The following TMEM131 variants were observed in gnomAD, a reference collection of about 807,000 sequenced individuals.
The protein encoded by TMEM131 is 2610524E03Rik.
Under a neutral mutation model 211.6 loss-of-function variants are expected in TMEM131, and 66 were observed. The observed-to-expected ratio is 0.31, with a 90% CI of 0.26 to 0.38. TMEM131 has a LOEUF of 0.38. Ranked by LOEUF, TMEM131 falls within the 10% of genes least tolerant of loss-of-function variation. The pLI is 1.00. For synonymous variants in TMEM131, 844 were observed against 841.3 expected, an observed-to-expected ratio of 1.00 and a Z score of -0.06; for missense variants, 2,036 against 2,299.3, an observed-to-expected ratio of 0.89 and a Z score of 2.34.
intron 1 of TMEM131, among the ~76,000 whole-genome samples, chr2:97,950,166 G>A (rs1471312805): frequency 6.6e-6 from 1 of 152,056 alleles, no homozygotes; most frequent in Non-Finnish European, 1.5e-5. Context: ...ACCTTATCAA[G>A]CCAATATTTA....
intron 4 of TMEM131, among the ~76,000 whole-genome samples, chr2:97,861,868 G>A (rs1674082306): frequency 1.3e-5 from 2 of 152,116 alleles, no homozygotes; most frequent in African/African-American, 4.8e-5. Flanking sequence ...GAGTCCTAGG[G>A]CCTTGAAGAA....
chr2:97,923,942 T>A (rs1676864253), intron 2 of TMEM131, among the ~76,000 whole-genome samples: 1 of 152,110 alleles, frequency 6.6e-6, no homozygotes, highest in Admixed American at 6.5e-5. Flanking sequence ...TAGTCGGGCT[T>A]GGTAGCGGGT....
chr2:97,958,163 T>C lies in TMEM131; in HGVS notation c.188-30676A>G, dbSNP rs184983500. 4.7e-4 allele frequency among the ~76,000 whole-genome samples: 72 copies of C among 152,250 alleles called. 1 individual carries two copies. Among genetic ancestry groups the C allele is most frequent in the South Asian group, 3.3e-3 (16 of 4,808 alleles). On this transcript the variant is annotated intron_variant, in intron 1 of 40. Coordinates refer to ENST00000186436, the MANE Select transcript of TMEM131 (RefSeq NM_015348.2). ...TCATAGGTCTGAAATCTGGGGAGCA[T>C]TGAAGAGAATTAAGAAGAGGCTGGA...
Position 97,855,491 on chromosome 2 carries a change from G to C in TMEM131, c.483+3813C>G, listed in dbSNP as rs373408310. Among the ~76,000 whole-genome samples, 5 of 152,288 alleles carry C rather than the reference G, an allele frequency of 3.3e-5. No homozygotes were observed. The East Asian group carries it at 5.8e-4, about 18-fold the overall frequency. On this transcript the variant is annotated intron_variant, in intron 5 of 40. Coordinates refer to ENST00000186436, the MANE Select transcript of TMEM131 (RefSeq NM_015348.2). Reference sequence around the variant, plus strand: ...GAGGCAGGCAGATTGCTTGAGGCTAGGAGTTTGAGACCAGCCTGGCCAACA... The same window carrying C: ...GAGGCAGGCAGATTGCTTGAGGCTACGAGTTTGAGACCAGCCTGGCCAACA...
At chr2:97,938,792 G>C (rs183382887) in intron 1 of TMEM131, among the ~76,000 whole-genome samples, 1 of 151,950 alleles carries the variant, frequency 6.6e-6, no homozygotes. Flanking sequence ...AGCACTCCTC[G>C]GCAAATGTAA....
chr2:97,896,686 T>C (rs1675627214), intron 3 of TMEM131, among the ~76,000 whole-genome samples: 1 of 152,200 alleles, frequency 6.6e-6, no homozygotes, highest in African/African-American at 2.4e-5. Context: ...TTGTAACCCC[T>C]GCTGAAAAGG....
intron 1 of TMEM131, among the ~76,000 whole-genome samples, chr2:97,995,046 G>C (rs1422841882): frequency 6.6e-6 from 1 of 152,212 alleles, no homozygotes; most frequent in Non-Finnish European, 1.5e-5. Flanking sequence ...AGAAATGTCT[G>C]AACAAATTCA....
At chr2:97,761,836 A>G (rs576103250) in intron 36 of TMEM131, 199 bp downstream of exon 36, 2 of 546,816 alleles carry the variant, frequency 3.7e-6, no homozygotes, top group East Asian at 6.6e-5. Flanking sequence ...TAGAATGGGA[A>G]CCGGGTTACT....
At chr2:97,758,858 A>G in intron 40 of TMEM131, 35 bp downstream of exon 40, 1 of 1,578,106 alleles carries the variant, frequency 6.3e-7, no homozygotes, top group Non-Finnish European at 8.6e-7. Flanking sequence ...TGGGTGGGCC[A>G]GGTCCAGGCC....
At chr2:97,864,233 A>G (rs538817523) in intron 4 of TMEM131, among the ~76,000 whole-genome samples, 2 of 152,284 alleles carry the variant, frequency 1.3e-5, no homozygotes, top group East Asian at 3.9e-4. Context: ...GCTGGGAAGG[A>G]TAGCAGCGGG....
At chr2:97,800,498 C>T (rs1680976382) in intron 25 of TMEM131, among the ~76,000 whole-genome samples, 1 of 151,654 alleles carries the variant, frequency 6.6e-6, no homozygotes, top group South Asian at 2.1e-4. Context: ...GCCTGTAATC[C>T]CAGTACTTTA....
chr2:97,824,106 T>A (rs997419058), intron 11 of TMEM131, among the ~76,000 whole-genome samples: 1 of 152,306 alleles, frequency 6.6e-6, no homozygotes, highest in Admixed American at 6.5e-5. Flanking sequence ...GGGCTTGTTA[T>A]CAGTGTGGTT....
intron 5 of TMEM131, among the ~76,000 whole-genome samples, chr2:97,854,351 T>C (rs1207468891): frequency 6.6e-6 from 1 of 152,168 alleles, no homozygotes; most frequent in Non-Finnish European, 1.5e-5. Context: ...TTTATATATA[T>C]GGGGAAACAA....
chr2:97,940,104 A>C (rs1677647904), intron 1 of TMEM131, among the ~76,000 whole-genome samples: 1 of 152,202 alleles, frequency 6.6e-6, no homozygotes, highest in Non-Finnish European at 1.5e-5. Context: ...TCCCTTTGAA[A>C]ACTGGCACAA....
intron 33 of TMEM131, among the ~76,000 whole-genome samples, chr2:97,767,770 T>C (rs1312006018): frequency 6.6e-6 from 1 of 152,242 alleles, no homozygotes; most frequent in African/African-American, 2.4e-5. Flanking sequence ...AAGTGTGTGA[T>C]ACTACTCAGG....
intron 12 of TMEM131, among the ~76,000 whole-genome samples, chr2:97,815,591 C>A (rs1681785548): frequency 6.6e-6 from 1 of 152,168 alleles, no homozygotes; most frequent in Non-Finnish European, 1.5e-5. Context: ...TAGCCACAGG[C>A]TTTGGCTTTA....
chr2:97,771,435 T>C (rs1159447635), intron 33 of TMEM131, among the ~76,000 whole-genome samples: 1 of 152,044 alleles, frequency 6.6e-6, no homozygotes, highest in Non-Finnish European at 1.5e-5. Context: ...AGGATCAGAG[T>C]AAGAATAGAC....
In TMEM131 at chr2:97,829,906, A is replaced by G. The variant is rs577866230; in HGVS notation, c.1074+3459T>C. ...GCCTGTACAACACCAAGCCAGAAAT[A>G]GCAAAGCAAGGATGTTTGTTAAAAT... On this transcript the variant is annotated intron_variant, in intron 11 of 40. Coordinates refer to ENST00000186436, the MANE Select transcript of TMEM131 (RefSeq NM_015348.2). 7.2e-5 allele frequency among the ~76,000 whole-genome samples: 11 copies of G among 152,330 alleles called. 1 individual carries two copies. Among genetic ancestry groups the G allele is most frequent in the Admixed American group, 6.5e-4 (10 of 15,310 alleles).
chr2:97,936,689 C>G (rs1677462098), intron 1 of TMEM131, among the ~76,000 whole-genome samples: 1 of 152,034 alleles, frequency 6.6e-6, no homozygotes, highest in Non-Finnish European at 1.5e-5. Context: ...AACAACAAAC[C>G]TTAGGGAGGG....
Sources: allele counts gnomAD v4.1 joint callset (sites outside exome capture counted in the v4.1 genomes callset), GRCh38; gene constraint gnomAD v4.1.1; transcripts MANE v1.5; gene names NCBI Gene and HGNC (gene_info 2026-07-23, HGNC 2026-07-21).